CHCHD6: variants seen among roughly 807,000 people sequenced by gnomAD.
CHCHD6 encodes the protein coiled-coil-helix-coiled-coil-helix domain containing 6.
In CHCHD6, 28 loss-of-function variants were observed where a neutral mutation model predicts 32.3. That is an observed-to-expected ratio of 0.87 (90% confidence interval 0.64 to 1.19). The LOEUF (loss-of-function observed/expected upper bound fraction) is 1.19, where lower values mean the gene tolerates loss of function less well. Ranked by LOEUF, CHCHD6 falls within the 50% of genes most tolerant of loss-of-function variation. The probability of loss-of-function intolerance (pLI) is 0.00; values close to 1 mark genes in which losing one functional copy is unlikely to be tolerated. For synonymous variants in CHCHD6, 122 were observed against 117.5 expected, an observed-to-expected ratio of 1.04 and a Z score of -0.25; for missense variants, 333 against 307.0, an observed-to-expected ratio of 1.08 and a Z score of -0.63.
chr3:126,774,503 C>G (rs1304020910), intron 4 of CHCHD6, among the ~76,000 whole-genome samples: 1 of 152,116 alleles, frequency 6.6e-6, no homozygotes, highest in Non-Finnish European at 1.5e-5. Flanking sequence ...CTTGTAAATT[C>G]CTGGAACCAC....
intron 5 of CHCHD6, among the ~76,000 whole-genome samples, chr3:126,886,611 G>C (rs1055477079): frequency 6.6e-6 from 1 of 152,164 alleles, no homozygotes; most frequent in African/African-American, 2.4e-5. Context: ...AGCCCTGCCT[G>C]CTCACTGCTT....
At chr3:126,728,754 C>T (rs1935654163) in intron 2 of CHCHD6, among the ~76,000 whole-genome samples, 1 of 152,158 alleles carries the variant, frequency 6.6e-6, no homozygotes, top group South Asian at 2.1e-4. Flanking sequence ...AAATAAGAAG[C>T]ATTTGCTTCA....
At chr3:126,945,776 G>GT (rs2078628861) in intron 6 of CHCHD6, among the ~76,000 whole-genome samples, 1 of 150,444 alleles carries the variant, frequency 6.6e-6, no homozygotes, top group South Asian at 2.1e-4. Flanking sequence ...CTCGAGCGGG[G>GT]ACACTCAGGG....
intron 4 of CHCHD6, among the ~76,000 whole-genome samples, chr3:126,771,068 G>A (rs899202868): frequency 6.6e-6 from 1 of 152,106 alleles, no homozygotes; most frequent in African/African-American, 2.4e-5. Context: ...GGTTGTATGT[G>A]TCCAGGAATT....
intron 5 of CHCHD6, among the ~76,000 whole-genome samples, chr3:126,860,801 A>G (rs553239727): frequency 6.6e-6 from 1 of 152,296 alleles, no homozygotes; most frequent in South Asian, 2.1e-4. Context: ...GCTTTTGTGC[A>G]CTTGTCCTGG....
Position 126,957,483 on chromosome 3 carries a change from C to A in CHCHD6, c.634C>A (p.Pro212Thr). Reference protein sequence around the residue: ...AQILHCYRDRPHEVLLCSDLV... With the variant: ...AQILHCYRDRTHEVLLCSDLV... Reference sequence around the variant, plus strand: ...GATTCTCCACTGCTACCGAGATCGCCCGCATGAGGTGCTGCTGTGCTCGGA... The same window carrying A: ...GATTCTCCACTGCTACCGAGATCGCACGCATGAGGTGCTGCTGTGCTCGGA... Residue 212 changes from proline to threonine, a missense_variant, in exon 7 of 8, where the codon CCG becomes ACG. Coordinates refer to ENST00000290913, the MANE Select transcript of CHCHD6 (RefSeq NM_032343.3). 6.2e-7 allele frequency: 1 copy of A among 1,606,948 alleles called. No homozygotes were observed. The highest frequency in any genetic ancestry group is 8.5e-7 in the Non-Finnish European group (1 of 1,176,974).
chr3:126,910,273 G>GGAAAAAAAAAAAAAAA, intron 5 of CHCHD6, among the ~76,000 whole-genome samples: 1 of 111,462 alleles, frequency 9.0e-6, no homozygotes, highest in Middle Eastern at 5.7e-3. Flanking sequence ...CCTGCCTCAG[G>GGAAAAAAAAAAAAAAA]AAAAAAAAAA....
At chr3:126,715,700 G>A (rs1010496963) in intron 1 of CHCHD6, among the ~76,000 whole-genome samples, 2 of 151,450 alleles carry the variant, frequency 1.3e-5, no homozygotes, top group African/African-American at 2.4e-5. Context: ...TCTTTCCCAC[G>A]AGCCATACTC....
chr3:126,748,066 T>C (rs1217337533), intron 4 of CHCHD6, among the ~76,000 whole-genome samples: 1 of 152,052 alleles, frequency 6.6e-6, no homozygotes, highest in East Asian at 1.9e-4. Flanking sequence ...AAAAGGGGCC[T>C]CTCTGCCAGT....
intron 5 of CHCHD6, among the ~76,000 whole-genome samples, chr3:126,912,578 G>A: frequency 6.6e-6 from 1 of 152,242 alleles, no homozygotes; most frequent in Non-Finnish European, 1.5e-5. Context: ...CCTTGGCTCA[G>A]AAGTGAGGAG....
At chr3:126,829,351 G>A (rs1337063751) in intron 4 of CHCHD6, among the ~76,000 whole-genome samples, 3 of 151,896 alleles carry the variant, frequency 2.0e-5, no homozygotes, top group Non-Finnish European at 4.4e-5. Context: ...CAGCTCTTAG[G>A]TAAGACCCAT....
chr3:126,828,527 T>A (rs1034749095), intron 4 of CHCHD6, among the ~76,000 whole-genome samples: 3 of 152,214 alleles, frequency 2.0e-5, no homozygotes, highest in African/African-American at 7.2e-5. Context: ...GAGGCCACTC[T>A]GAAATCTGGG....
chr3:126,842,361 A>G (rs1221204297), intron 4 of CHCHD6, among the ~76,000 whole-genome samples: 1 of 152,216 alleles, frequency 6.6e-6, no homozygotes, highest in Non-Finnish European at 1.5e-5. Context: ...ATACTGGGTG[A>G]TTCAAATGCA....
intron 4 of CHCHD6, among the ~76,000 whole-genome samples, chr3:126,827,724 A>G (rs1940458895): frequency 6.6e-6 from 1 of 152,216 alleles, no homozygotes; most frequent in Non-Finnish European, 1.5e-5. Context: ...TTTGAGCAAG[A>G]AAAAGATATA....
chr3:126,863,780 CCATCAGCACCTTCTCCTCCTCTACCAT>C (rs1942084167), intron 5 of CHCHD6, among the ~76,000 whole-genome samples: 1 of 148,792 alleles, frequency 6.7e-6, no homozygotes, highest in African/African-American at 2.5e-5. Flanking sequence ...TCCTCCACCA[CCATCAGCACCTTCTCCTCCTCTACCAT>C]CATCACCACC....
At chr3:126,777,333 G>GT (rs1937698445) in intron 4 of CHCHD6, among the ~76,000 whole-genome samples, 1 of 152,104 alleles carries the variant, frequency 6.6e-6, no homozygotes, top group Non-Finnish European at 1.5e-5. Context: ...AGTACACTCA[G>GT]TTTTTTTCTT....
At chr3:126,778,826 C>T (rs1282851350) in intron 4 of CHCHD6, among the ~76,000 whole-genome samples, 1 of 152,120 alleles carries the variant, frequency 6.6e-6, no homozygotes, top group Non-Finnish European at 1.5e-5. Context: ...TCATAGCTCA[C>T]TGCAGGCAGC....
intron 6 of CHCHD6, among the ~76,000 whole-genome samples, chr3:126,918,609 G>C (rs1231784915): frequency 6.6e-6 from 1 of 152,216 alleles, no homozygotes; most frequent in Non-Finnish European, 1.5e-5. Context: ...ATTTTAAACA[G>C]CTGGATTAGT....
chr3:126,901,974 C>A (rs1294146257), intron 5 of CHCHD6, among the ~76,000 whole-genome samples: 1 of 152,218 alleles, frequency 6.6e-6, no homozygotes, highest in East Asian at 1.9e-4. Context: ...CTCCTACTGC[C>A]CTCCTTTGTT....
Sources: gnomAD v4.1 joint callset for allele counts (sites outside exome capture counted in the v4.1 genomes callset) on GRCh38, gnomAD v4.1.1 for gene constraint, MANE v1.5 for transcripts, NCBI Gene and HGNC (gene_info 2026-07-23, HGNC 2026-07-21) for gene names.